Variants in RGS6 observed in about 807,000 individuals in gnomAD.
RGS6 encodes regulator of G-protein signaling 6.
A neutral mutation model predicts 78.5 loss-of-function variants in RGS6; 30 were observed. That is an observed-to-expected ratio of 0.38 (90% confidence interval 0.29 to 0.52). RGS6 has a LOEUF of 0.52. RGS6 is among the 20% of genes least tolerant of loss of function. The pLI, the probability that RGS6 is intolerant of heterozygous loss-of-function variation, is 0.85. For missense variants in RGS6, 495 were observed against 609.7 expected (o/e 0.81, Z 1.98); for synonymous variants, 206 against 206.0 (o/e 1.00, Z 0.00).
intron 2 of RGS6, among the ~76,000 whole-genome samples, chr14:72,105,442 T>A (rs987773608): frequency 2.0e-5 from 3 of 152,258 alleles, no homozygotes; most frequent in African/African-American, 7.2e-5. Flanking sequence ...TACAGACATT[T>A]GTGGAATTGA....
chr14:72,209,849 G>T (rs1364170332), intron 2 of RGS6, among the ~76,000 whole-genome samples: 1 of 152,196 alleles, frequency 6.6e-6, no homozygotes, highest in Non-Finnish European at 1.5e-5. Context: ...ACTGTAGTAT[G>T]GCCCGGCTCT....
chr14:71,965,044 C>T (rs540511508), intron 2 of RGS6, among the ~76,000 whole-genome samples, 169 bp downstream of exon 2: 1 of 152,240 alleles, frequency 6.6e-6, no homozygotes, highest in Non-Finnish European at 1.5e-5. Context: ...GAAGTTCATA[C>T]TTGAGCACTT....
chr14:71,992,359 G>A (rs2094995111), intron 2 of RGS6, among the ~76,000 whole-genome samples: 1 of 152,180 alleles, frequency 6.6e-6, no homozygotes. Flanking sequence ...CCTAAATAGT[G>A]TTCTATCTTA....
At chr14:71,980,132 T>C (rs1164810507) in intron 2 of RGS6, among the ~76,000 whole-genome samples, 1 of 124,658 alleles carries the variant, frequency 8.0e-6, no homozygotes. Context: ...TCCTCCATCC[T>C]TTTATTTTGA....
chr14:72,072,713 A>G (rs1468393274), intron 2 of RGS6, among the ~76,000 whole-genome samples: 2 of 152,210 alleles, frequency 1.3e-5, no homozygotes, highest in African/African-American at 4.8e-5. Flanking sequence ...TTAGGTAATC[A>G]CTGGTCCTTC....
chr14:72,358,041 G>A (rs753188826), intron 3 of RGS6, among the ~76,000 whole-genome samples: 3 of 152,136 alleles, frequency 2.0e-5, no homozygotes, highest in South Asian at 4.1e-4. Flanking sequence ...GGTACAGCTC[G>A]GGCCATGGCT....
At chr14:72,385,068 G>T (rs563341724) in intron 3 of RGS6, among the ~76,000 whole-genome samples, 11 of 152,150 alleles carry the variant, frequency 7.2e-5, no homozygotes, top group African/African-American at 2.6e-4. Flanking sequence ...TATTTGTAAC[G>T]GTGTCTTTAG....
rs566570264 is a variant in RGS6, at chr14:72,055,700, T to C, written c.84+90825T>C. On this transcript the variant is annotated intron_variant, in intron 2 of 17. Coordinates refer to ENST00000553525, the MANE Select transcript of RGS6 (RefSeq NM_001204424.2). ...AGGTGATTCTAACGTGCAGTCAAGG[T>C]TGAGAATCACTGCTTTAAAATACAG... Among the ~76,000 whole-genome samples the C allele has an allele frequency of 3.3e-5, 5 of 152,276 alleles. No homozygotes were observed. In the East Asian group the frequency reaches 9.7e-4, roughly 29 times the overall value.
At chr14:72,491,963 G>GT (rs1401787984) in intron 12 of RGS6, among the ~76,000 whole-genome samples, 2 of 152,196 alleles carry the variant, frequency 1.3e-5, no homozygotes, top group African/African-American at 4.8e-5. Flanking sequence ...GAGATGGGCA[G>GT]TTTTTTCTTG....
chr14:72,200,434 G>A (rs79461607), intron 2 of RGS6, among the ~76,000 whole-genome samples: 4,456 of 152,274 alleles, frequency 0.029, 205 homozygotes, highest in African/African-American at 0.1. Flanking sequence ...CACCATTTAA[G>A]TTCACTTCAT....
At chr14:72,161,016 A>G (rs113322119) in intron 2 of RGS6, among the ~76,000 whole-genome samples, 16 of 152,252 alleles carry the variant, frequency 1.1e-4, no homozygotes, top group South Asian at 2.1e-4. Flanking sequence ...GATAGACTGG[A>G]TAAAGAAAAT....
intron 2 of RGS6, among the ~76,000 whole-genome samples, chr14:72,310,217 A>G (rs559436229): frequency 3.6e-4 from 54 of 151,770 alleles, no homozygotes; most frequent in African/African-American, 1.3e-3. Flanking sequence ...GGCCGCCAAG[A>G]CTCTTTCCCT....
chr14:72,018,354 A>G (rs183652878), intron 2 of RGS6, among the ~76,000 whole-genome samples: 47 of 151,688 alleles, frequency 3.1e-4, no homozygotes, highest in Non-Finnish European at 1.2e-4. Context: ...CGCCCCTTTG[A>G]TGTGCTTTTA....
At chr14:72,389,912 C>G (rs1246604535) in intron 3 of RGS6, among the ~76,000 whole-genome samples, 2 of 152,050 alleles carry the variant, frequency 1.3e-5, no homozygotes, top group Non-Finnish European at 2.9e-5. Context: ...ATAAATTCTT[C>G]TGATTCAATT....
intron 2 of RGS6, among the ~76,000 whole-genome samples, chr14:72,308,267 C>T (rs534445861): frequency 1.1e-4 from 16 of 152,208 alleles, no homozygotes; most frequent in African/African-American, 3.4e-4. Flanking sequence ...GTTCCCCTAC[C>T]GCAAATATTG....
At chr14:72,380,718 A>G (rs534834887) in intron 3 of RGS6, among the ~76,000 whole-genome samples, 33 of 152,190 alleles carry the variant, frequency 2.2e-4, no homozygotes, top group African/African-American at 7.5e-4. Context: ...TGCACTGTTG[A>G]TGGGGATGTA....
rs1281402874 is a variant in RGS6 at position 72,465,601 on chromosome 14, G to GA, written c.395-157_395-156insA. Among the ~76,000 whole-genome samples, 777 of 144,938 alleles carry GA rather than the reference G, an allele frequency of 5.4e-3. 16 individuals are homozygous for GA. Among genetic ancestry groups the GA allele is most frequent in the African/African-American group, 0.02 (747 of 38,042 alleles). ...GGATGGATGGATGGATGGATGGATG[G>GA]TTGGGTGGATGGGTGGATGGGTGGA... is the stretch of plus-strand genomic sequence containing the variant. On this transcript the variant is annotated intron_variant, in intron 6 of 17. Coordinates refer to ENST00000553525, the MANE Select transcript of RGS6 (RefSeq NM_001204424.2).
rs1555475435 is a variant in RGS6, at chr14:72,090,126, A to AAT, written c.84+125252_84+125253insTA. ...AGACTCCATCTCAAAAAAAAAAAAAAAAATAAAGCCTTCAACAGTGGCTAA... is the reference window on the plus strand; with the variant it reads ...AGACTCCATCTCAAAAAAAAAAAAAAATAAATAAAGCCTTCAACAGTGGCTAA... On this transcript the variant is annotated intron_variant, in intron 2 of 17. Transcript: ENST00000553525. 7.3e-5 allele frequency among the ~76,000 whole-genome samples: 11 copies of AAT among 150,804 alleles called. No individual in the cohort carries two copies. The South Asian group carries it at 1.3e-3, about 17-fold the overall frequency.
At position 72,107,827 on chromosome 14, in the gene RGS6, T is replaced by G. The variant is rs553411343; in HGVS notation, c.84+142952T>G. On this transcript the variant is annotated intron_variant, in intron 2 of 17. Transcript: ENST00000553525. ...CTAGATTAGAATATGTCATAATTAC[T>G]CATTTGCATGCTTCCACATTACACA... is the stretch of plus-strand genomic sequence containing the variant. Among the ~76,000 whole-genome samples, 12 of 152,284 alleles carry G rather than the reference T, an allele frequency of 7.9e-5. 1 individual carries two copies. The South Asian group carries it at 2.5e-3, about 32-fold the overall frequency.
Sources: gnomAD v4.1 joint callset for allele counts (sites outside exome capture counted in the v4.1 genomes callset) on GRCh38, gnomAD v4.1.1 for gene constraint, MANE v1.5 for transcripts, NCBI Gene and HGNC (gene_info 2026-07-23, HGNC 2026-07-21) for gene names.